Variants in KCNN1 observed in about 807,000 individuals in gnomAD.
KCNN1 encodes the protein potassium calcium-activated channel subfamily N member 1, also known as small conductance calcium-activated potassium channel protein 1.
KCNN1 carries 20 observed loss-of-function variants against 44.7 expected under a neutral mutation model. The ratio of observed to expected loss-of-function variants is 0.45; its 90% CI spans 0.32 to 0.65. KCNN1 has a LOEUF of 0.65. Among genes scored for constraint, KCNN1 ranks in the 30% least tolerant of loss-of-function variants. The pLI is 0.05. For missense variants in KCNN1, 632 were observed against 785.3 expected (o/e 0.80, Z 2.33); for synonymous variants, 324 against 341.7 (o/e 0.95, Z 0.57).
chr19:17,965,887 G>C (rs948459083), upstream of KCNN1, among the ~76,000 whole-genome samples: 4 of 152,064 alleles, frequency 2.6e-5, no homozygotes, highest in African/African-American at 9.7e-5. Flanking sequence ...GATGAGGAAC[G>C]GGCTCTCCAG....
At chr19:17,991,253 A>G (rs9973265) in intron 7 of KCNN1, among the ~76,000 whole-genome samples, 17,442 of 151,932 alleles carry the variant, frequency 0.11, 1,085 homozygotes, top group Non-Finnish European at 0.14. Flanking sequence ...GGAGTTTGCA[A>G]CCAGCCTGGG....
At chr19:17,968,309 C>T (rs556102054) in intron 1 of KCNN1, among the ~76,000 whole-genome samples, 4 of 152,018 alleles carry the variant, frequency 2.6e-5, no homozygotes, top group Non-Finnish European at 5.9e-5. Context: ...GGAGCACCTT[C>T]TCTTGGTCCA....
intron 6 of KCNN1, among the ~76,000 whole-genome samples, chr19:17,989,396 C>T (rs982263151): frequency 2.6e-5 from 4 of 152,072 alleles, no homozygotes; most frequent in East Asian, 1.9e-4. Context: ...AGGTGGAGGT[C>T]GCAGTGAGGC....
rs753442127 is a variant in KCNN1, at chr19:17,973,847, C to T, written c.-42C>T. 21 of 1,540,364 alleles carry T rather than the reference C, an allele frequency of 1.4e-5. No homozygotes were observed. The highest frequency in any genetic ancestry group is 9.5e-5 in the South Asian group (8 of 83,816). ...CCAGCCGCTGAGCCATGCCGGGCCC[C>T]GGGCGGCCTGCAGCGAGCCCAACCC... On this transcript the variant is annotated 5_prime_UTR_variant, in exon 2 of 10. Transcript: ENST00000684775.
Position 17,998,260 on chromosome 19 carries a change from C to G in KCNN1, c.1486C>G (p.Leu496Val), listed in dbSNP as rs1487815298. 8 of 1,562,796 alleles carry G rather than the reference C, an allele frequency of 5.1e-6. No homozygotes were observed. Among genetic ancestry groups the G allele is most frequent in the Non-Finnish European group, 6.9e-6 (8 of 1,157,188 alleles). Residue 496 changes from leucine (L) to valine (V), a missense_variant, in exon 10 of 10, where the codon CTA becomes GTA. This residue lies in a region of KCNN1 where 237 missense variants were observed against 253.0 expected (regional missense o/e 0.94). Coordinates refer to ENST00000684775, the MANE Select transcript of KCNN1 (RefSeq NM_001386974.1). This position sits in a 1 kb window ranked among gnomAD's most constrained non-coding sequence, Gnocchi z 5.4. ...CCGCTTGGATGCGCTGGGTGCCTCT[C>G]TACAGGCCCTGCCTGGCCTCATCGC... The part of the protein sequence containing the change: ...ESRLDALGAS[L>V]QALPGLIAQA...
chr19:17,967,118 C>T lies in KCNN1; in HGVS notation c.-281C>T. 1 of 978,442 alleles carries T rather than the reference C, an allele frequency of 1.0e-6. No homozygotes were observed. The highest frequency in any genetic ancestry group is 1.2e-6 in the Non-Finnish European group (1 of 825,740). The allele number at this position is 978,442 out of a possible 1,614,324, so 60.6% of individuals were successfully genotyped here. ...CTCCCGGCCCGGGCGGGCGCTCGCCCCCCGCCGGGCCCGTGGACTGGGCGG... is the reference window on the plus strand; with the variant it reads ...CTCCCGGCCCGGGCGGGCGCTCGCCTCCCGCCGGGCCCGTGGACTGGGCGG... On this transcript the variant is annotated 5_prime_UTR_variant, in exon 1 of 10. Coordinates refer to ENST00000684775, the MANE Select transcript of KCNN1 (RefSeq NM_001386974.1).
At chr19:17,963,000 CTTTTTT>C (rs71164332), upstream of KCNN1, among the ~76,000 whole-genome samples, 10,328 of 81,504 alleles carry the variant, frequency 0.13, 385 homozygotes, top group South Asian at 0.17. Flanking sequence ...CACGCCCAGG[CTTTTTT>C]TTTTTTTTTT....
Position 17,999,595 on chromosome 19 carries a change from C to T in KCNN1, c.*1189C>T. On this transcript the variant is annotated 3_prime_UTR_variant, in exon 10 of 10. Coordinates refer to ENST00000684775, the MANE Select transcript of KCNN1 (RefSeq NM_001386974.1). The stretch of plus-strand genomic sequence containing the variant: ...TGGTGACATCCAGGGGTCAGAGAGA[C>T]CCTTCAGGGGTGGGCTACAGGGGAG... The T allele has an allele frequency of 5.9e-6, 1 of 170,510 alleles. No homozygotes were observed. The highest frequency in any genetic ancestry group is 2.8e-3 in the Middle Eastern group (1 of 358). The allele number at this position is 170,510 out of a possible 1,614,324, so 10.6% of individuals were successfully genotyped here. A position where few individuals can be genotyped will look rare whatever the true frequency, so the allele number is the denominator to read the frequency against.
intron 3 of KCNN1, among the ~76,000 whole-genome samples, chr19:17,976,617 C>T (rs1350872804): frequency 1.3e-5 from 2 of 152,126 alleles, no homozygotes; most frequent in East Asian, 1.9e-4. Flanking sequence ...GGGGTTTCTC[C>T]ATGTTGGTCA....
Position 17,982,649 on chromosome 19 carries a change from T to C in KCNN1, c.917+522T>C, listed in dbSNP as rs2032457981. ...ACCGCTGCCGCCATCCCCGACCCGC[T>C]AGGAATTTAAGATTAGCTGCCGCAA... On this transcript the variant is annotated intron_variant, in intron 4 of 9. Transcript: ENST00000684775. 4 of 951,790 alleles carry C rather than the reference T, an allele frequency of 4.2e-6. No individual in the cohort carries two copies. The South Asian group carries it at 1.9e-4, about 46-fold the overall frequency. 59.0% of individuals were successfully genotyped at this position (951,790 alleles called of 1,614,324 possible). A position where few individuals can be genotyped will look rare whatever the true frequency, so the allele number is the denominator to read the frequency against.
chr19:17,982,150 C>CCCCCCAG (rs1449081078), intron 4 of KCNN1, 23 bp downstream of exon 4: 30 of 1,471,672 alleles, frequency 2.0e-5, no homozygotes, highest in African/African-American at 4.2e-5. Flanking sequence ...CCCCTGGAGC[C>CCCCCCAG]CCCCCAGCCC....
chr19:17,979,734 T>C (rs2032334051), intron 3 of KCNN1, among the ~76,000 whole-genome samples: 1 of 152,120 alleles, frequency 6.6e-6, no homozygotes, highest in Admixed American at 6.6e-5. Flanking sequence ...GTCAACGCTT[T>C]GCCGATGTGC....
rs1340895824 is a variant in KCNN1 at position 17,999,276 on chromosome 19, T to G, written c.*870T>G. ...GGCCAAAGTAAAGAACCGGACTGGC[T>G]GGGCACAGTGGCTCACACCTGTAAT... On this transcript the variant is annotated 3_prime_UTR_variant, in exon 10 of 10. Coordinates refer to ENST00000684775, the MANE Select transcript of KCNN1 (RefSeq NM_001386974.1). 2.0e-5 allele frequency: 3 copies of G among 152,482 alleles called. No individual in the cohort carries two copies. The highest frequency in any genetic ancestry group is 7.2e-5 in the African/African-American group (3 of 41,432). 9.4% of individuals were successfully genotyped at this position (152,482 alleles called of 1,614,324 possible).
At chr19:17,961,196 A>AC (rs1462462119) in intron 2 of KCNN1, among the ~76,000 whole-genome samples, 1 of 151,124 alleles carries the variant, frequency 6.6e-6, no homozygotes, top group Non-Finnish European at 1.5e-5. Flanking sequence ...AAAAAAAAAA[A>AC]AAAAAAAAAA....
chr19:17,966,967 G>GGTTGCAGGGGGCGCCGGGGA (rs2031829471), upstream of KCNN1, among the ~76,000 whole-genome samples: 2 of 151,776 alleles, frequency 1.3e-5, no homozygotes, highest in African/African-American at 2.4e-5. Flanking sequence ...CATGCCGGGG[G>GGTTGCAGGGGGCGCCGGGGA]GTTGCAGGGG....
rs766502693 is a variant in KCNN1, at chr19:17,988,492, C to T, written c.1137C>T (p.His379=). 1.9e-6 allele frequency: 3 copies of T among 1,613,886 alleles called. No individual in the cohort carries two copies. The highest frequency in any genetic ancestry group is 1.1e-5 in the South Asian group (1 of 91,054). The change falls in exon 6 of 10, where the codon CAC becomes CAT. Residue 379 remains histidine, a synonymous_variant. Coordinates refer to ENST00000684775, the MANE Select transcript of KCNN1 (RefSeq NM_001386974.1). ...TCACCAAGGCTGAGAAGCACGTGCA[C>T]AACTTCATGATGGACACTCAGCTCA... is the stretch of plus-strand genomic sequence containing the variant. ...LELTKAEKHV[H]NFMMDTQLTK... is the part of the protein sequence containing the mutation.
At chr19:17,969,061 G>A (rs181814485) in intron 1 of KCNN1, among the ~76,000 whole-genome samples, 1 of 152,218 alleles carries the variant, frequency 6.6e-6, no homozygotes, top group African/African-American at 2.4e-5. Flanking sequence ...CCAAACCTTG[G>A]CTGAGGGTTC....
At chr19:17,955,092 A>G (rs1172023279) in intron 2 of KCNN1, among the ~76,000 whole-genome samples, 2 of 150,948 alleles carry the variant, frequency 1.3e-5, no homozygotes, top group Non-Finnish European at 2.9e-5. Flanking sequence ...TTGAAATAAT[A>G]ACAAGCTGGG....
chr19:17,985,372 C>T lies in KCNN1; in HGVS notation c.978C>T (p.Ile326=). Residue 326 remains isoleucine (I), a synonymous_variant, in exon 5 of 10, where the codon ATC becomes ATT. Coordinates refer to ENST00000684775, the MANE Select transcript of KCNN1 (RefSeq NM_001386974.1). ...NFLGAMWLIS[I]TFLSIGYGDM... Reference sequence around the variant, plus strand: ...TGGGGGCCATGTGGCTGATTTCCATCACCTTCCTCTCCATTGGCTACGGCG... The same window carrying T: ...TGGGGGCCATGTGGCTGATTTCCATTACCTTCCTCTCCATTGGCTACGGCG... The T allele has an allele frequency of 1.2e-6, 2 of 1,611,814 alleles. No homozygotes were observed. The highest frequency in any genetic ancestry group is 1.1e-5 in the South Asian group (1 of 90,862).
Sources: allele counts gnomAD v4.1 joint callset (sites outside exome capture counted in the v4.1 genomes callset), GRCh38; gene constraint gnomAD v4.1.1; regional missense constraint gnomAD v4.1.1; non-coding constraint Gnocchi (gnomAD v3.1); transcripts MANE v1.5; gene names NCBI Gene and HGNC (gene_info 2026-07-23, HGNC 2026-07-21).